BCKDHB: variants seen among roughly 807,000 people sequenced by gnomAD.
BCKDHB encodes 2-oxoisovalerate dehydrogenase subunit beta, mitochondrial.
Under a neutral mutation model 48.5 loss-of-function variants are expected in BCKDHB, and 41 were observed. The observed-to-expected ratio is 0.85, with a 90% CI of 0.66 to 1.10. The LOEUF is 1.10. Among genes scored for constraint, BCKDHB ranks in the 50% least tolerant of loss-of-function variants. The pLI is 0.00. For missense variants in BCKDHB, 496 were observed against 494.2 expected, an observed-to-expected ratio of 1.00 and a Z score of -0.03; for synonymous variants, 201 against 174.8, an observed-to-expected ratio of 1.15 and a Z score of -1.18.
chr6:80,127,382 T>C, intron 1 of BCKDHB, 165 bp from the exon 2 acceptor site: 1 of 644,954 alleles, frequency 1.6e-6, no homozygotes, highest in Non-Finnish European at 2.7e-6. Context: ...TCTCCAGGTC[T>C]GTATTGCTTT....
chr6:80,107,507 ATG>A (rs1232099735), intron 1 of BCKDHB, among the ~76,000 whole-genome samples: 2 of 119,296 alleles, frequency 1.7e-5, no homozygotes, highest in East Asian at 2.4e-4. Flanking sequence ...ATGCATATAT[ATG>A]TGCGCATATA....
rs536156296 is a variant in BCKDHB at position 80,190,942 on chromosome 6, T to G, written c.743-9992T>G. 1.8e-4 allele frequency among the ~76,000 whole-genome samples: 27 copies of G among 152,228 alleles called. No homozygotes were observed. In the East Asian group the frequency reaches 4.6e-3, roughly 26 times the overall value. On this transcript the variant is annotated intron_variant, in intron 6 of 9. Transcript: ENST00000320393. ...AGTGACCGTTGTTCCACAGTGTAGA[T>G]GGCAGCGATGTTGGTGGCAGGGCAT...
intron 9 of BCKDHB, among the ~76,000 whole-genome samples, chr6:80,280,906 G>A (rs1467500789): frequency 6.6e-6 from 1 of 152,156 alleles, no homozygotes. Context: ...GATTGAAGTG[G>A]ATGAGGGAGA....
At chr6:80,360,947 G>A in the BCKDHB span, among the ~76,000 whole-genome samples, 17 of 147,072 alleles carry the variant, frequency 1.2e-4, no homozygotes, top group African/African-American at 3.5e-4. Context: ...GGAGGTTGCA[G>A]TGAGCTGAGA....
At chr6:80,328,492 C>A (rs1769154278) in intron 9 of BCKDHB, among the ~76,000 whole-genome samples, 1 of 152,158 alleles carries the variant, frequency 6.6e-6, no homozygotes, top group Non-Finnish European at 1.5e-5. Flanking sequence ...CCAAAGGGAA[C>A]ATTTTTCACA....
the BCKDHB span, among the ~76,000 whole-genome samples, chr6:80,408,490 CT>C: frequency 6.6e-6 from 1 of 151,858 alleles, no homozygotes; most frequent in Non-Finnish European, 1.5e-5. Context: ...TGGTCCTGGA[CT>C]TTTTTTGGTT....
At position 80,167,608 on chromosome 6, in the gene BCKDHB, T is replaced by G. The variant is rs1772640755; in HGVS notation, c.344-70T>G. ...TCCATCCCATTATTAGTTTACTGAATTTTTAAATGTATTATGCATGACATT... is the reference window on the plus strand; with the variant it reads ...TCCATCCCATTATTAGTTTACTGAAGTTTTAAATGTATTATGCATGACATT... On this transcript the variant is annotated intron_variant, in intron 3 of 9. Transcript: ENST00000320393. The G allele has an allele frequency of 2.7e-6, 4 of 1,456,562 alleles. No individual in the cohort carries two copies. The East Asian group carries it at 6.8e-5, about 25-fold the overall frequency. 90.2% of individuals were successfully genotyped at this position (1,456,562 alleles called of 1,614,324 possible). A position where few individuals can be genotyped will look rare whatever the true frequency, so the allele number is the denominator to read the frequency against.
At chr6:80,378,742 A>G in the BCKDHB span, among the ~76,000 whole-genome samples, 3 of 152,146 alleles carry the variant, frequency 2.0e-5, no homozygotes, top group Non-Finnish European at 2.9e-5. Flanking sequence ...GAACTAATTT[A>G]CATTCCCTCC....
the BCKDHB span, among the ~76,000 whole-genome samples, chr6:80,450,063 G>C: frequency 6.6e-6 from 1 of 151,910 alleles, no homozygotes; most frequent in African/African-American, 2.4e-5. Context: ...GTCCCAAGTT[G>C]GTTAACAGGG....
the BCKDHB span, among the ~76,000 whole-genome samples, chr6:80,444,633 T>A: frequency 6.6e-6 from 1 of 152,318 alleles, no homozygotes; most frequent in South Asian, 2.1e-4. Context: ...AGGTGCACAA[T>A]AACTGCTTAC....
At chr6:80,166,783 G>A (rs117259308) in intron 3 of BCKDHB, among the ~76,000 whole-genome samples, 2,456 of 152,228 alleles carry the variant, frequency 0.016, 29 homozygotes, top group Non-Finnish European at 0.024. Context: ...GATTGGATTT[G>A]TAGTCCAGTA....
intron 6 of BCKDHB, among the ~76,000 whole-genome samples, chr6:80,183,488 A>G (rs767973077): frequency 2.6e-5 from 4 of 152,182 alleles, no homozygotes; most frequent in Non-Finnish European, 5.9e-5. Context: ...AGAGATAGAC[A>G]TGGAGATTTT....
intron 9 of BCKDHB, among the ~76,000 whole-genome samples, chr6:80,296,048 A>G (rs920418815): frequency 6.6e-6 from 1 of 152,256 alleles, no homozygotes; most frequent in Non-Finnish European, 1.5e-5. Flanking sequence ...AAGCAAAGTC[A>G]ACAAGATTAC....
intron 6 of BCKDHB, among the ~76,000 whole-genome samples, chr6:80,179,010 T>A (rs747158460): frequency 2.0e-5 from 3 of 152,170 alleles, no homozygotes; most frequent in Non-Finnish European, 4.4e-5. Context: ...GTTTCCCACA[T>A]AATTAAAATG....
chr6:80,294,062 G>A (rs1315443814), intron 9 of BCKDHB, among the ~76,000 whole-genome samples: 1 of 152,078 alleles, frequency 6.6e-6, no homozygotes, highest in East Asian at 1.9e-4. Context: ...CCTCCAAACT[G>A]TTCCAACCTC....
At chr6:80,140,281 T>A (rs1460585430) in intron 3 of BCKDHB, among the ~76,000 whole-genome samples, 1 of 152,200 alleles carries the variant, frequency 6.6e-6, no homozygotes, top group East Asian at 1.9e-4. Context: ...TTTTCCTAAT[T>A]GAATACCTTT....
chr6:80,116,815 T>A (rs2127713144), intron 1 of BCKDHB, among the ~76,000 whole-genome samples: 1 of 152,366 alleles, frequency 6.6e-6, no homozygotes. Flanking sequence ...GATTGCATAA[T>A]TAGGTAACTG....
At chr6:80,388,785 G>T in the BCKDHB span, among the ~76,000 whole-genome samples, 2 of 152,186 alleles carry the variant, frequency 1.3e-5, no homozygotes, top group Non-Finnish European at 2.9e-5. Flanking sequence ...TGCACGATAT[G>T]CAGGCACCAG....
At chr6:80,290,639 T>C (rs74521024) in intron 9 of BCKDHB, among the ~76,000 whole-genome samples, 125 of 152,346 alleles carry the variant, frequency 8.2e-4, no homozygotes, top group Non-Finnish European at 1.1e-3. Flanking sequence ...CAAGAATTTG[T>C]TACCAGAAAG....
Sources: allele counts gnomAD v4.1 joint callset (sites outside exome capture counted in the v4.1 genomes callset), GRCh38; gene constraint gnomAD v4.1.1; transcripts MANE v1.5; gene names NCBI Gene and HGNC (gene_info 2026-07-23, HGNC 2026-07-21).